TAF15: variants seen among roughly 807,000 people sequenced by gnomAD.
TAF15 encodes the protein TATA-box binding protein associated factor 15, also known as TATA-binding protein-associated factor 2N.
Under a neutral mutation model 102.5 loss-of-function variants are expected in TAF15, and 37 were observed. The observed-to-expected ratio is 0.36, with a 90% CI of 0.28 to 0.47. The LOEUF is 0.47. Among genes scored for constraint, TAF15 ranks in the 20% least tolerant of loss-of-function variants. The pLI is 0.99. For missense variants in TAF15, 652 were observed against 760.7 expected (o/e 0.86, Z 1.68); for synonymous variants, 273 against 259.2 (o/e 1.05, Z -0.51).
In TAF15 at chr17:35,844,348, A is replaced by G. The variant is rs1159683668; in HGVS notation, c.1157A>G (p.Asp386Gly). 1 of 1,614,034 alleles carries G rather than the reference A, an allele frequency of 6.2e-7. No individual in the cohort carries two copies. The highest frequency in any genetic ancestry group is 8.5e-7 in the Non-Finnish European group (1 of 1,179,992). ...CAGTGCAATGAGCCTAGACCAGAGG[A>G]CTCTCGTCCCTCAGGAGGAGGTGGG... Reference protein sequence around the residue: ...CNQCNEPRPEDSRPSGGDFRG... With the variant: ...CNQCNEPRPEGSRPSGGDFRG... Residue 386 changes from aspartate to glycine, a missense_variant, in exon 14 of 16, where the codon GAC becomes GGC. Asp to Gly is a moderately conservative substitution (Grantham distance 94). This residue lies in a region of TAF15 where 368 missense variants were observed against 367.5 expected (regional missense o/e 1.00). Coordinates refer to ENST00000605844, the MANE Select transcript of TAF15 (RefSeq NM_139215.3).
chr17:35,819,981 A>T, intron 2 of TAF15, 43 bp from the exon 3 acceptor site: 1 of 1,586,078 alleles, frequency 6.3e-7, no homozygotes, highest in Non-Finnish European at 8.6e-7. Flanking sequence ...AAACTTTAAA[A>T]TTTCTACACA....
chr17:35,846,162 G>A (rs2087621174), intron 15 of TAF15, among the ~76,000 whole-genome samples: 1 of 152,236 alleles, frequency 6.6e-6, no homozygotes, highest in Non-Finnish European at 1.5e-5. Flanking sequence ...ATATGGTTAA[G>A]AGCATAAAGT....
At chr17:35,821,941 G>A (rs189022576) in intron 5 of TAF15, among the ~76,000 whole-genome samples, 272 of 152,154 alleles carry the variant, frequency 1.8e-3, no homozygotes, top group African/African-American at 6.0e-3. Flanking sequence ...CAGTGATATA[G>A]AGCCTTTCAT....
chr17:35,835,442 A>C (rs888753684), intron 9 of TAF15, among the ~76,000 whole-genome samples: 1 of 152,230 alleles, frequency 6.6e-6, no homozygotes, highest in African/African-American at 2.4e-5. Context: ...GCCTGTTGAA[A>C]GTTATAATTT....
chr17:35,834,594 T>C lies in TAF15; in HGVS notation c.669T>C (p.Asp223=). 3 of 1,613,822 alleles carry C rather than the reference T, an allele frequency of 1.9e-6. No homozygotes were observed. The highest frequency in any genetic ancestry group is 4.5e-5 in the East Asian group (2 of 44,870). Reference sequence around the variant, plus strand: ...ACAGGGATTATGGACCCAGAACAGATGCTGGTAAGGTTTATGGTGGTTTGT... The same window carrying C: ...ACAGGGATTATGGACCCAGAACAGACGCTGGTAAGGTTTATGGTGGTTTGT... ...GGHRDYGPRT[D]ADSESDNSDN... Residue 223 remains aspartate (D), a synonymous_variant, in exon 9 of 16, where the codon GAT becomes GAC. Coordinates refer to ENST00000605844, the MANE Select transcript of TAF15 (RefSeq NM_139215.3).
At chr17:35,845,669 C>T (rs1210182966) in intron 15 of TAF15, among the ~76,000 whole-genome samples, 1 of 152,096 alleles carries the variant, frequency 6.6e-6, no homozygotes, top group Non-Finnish European at 1.5e-5. Context: ...GCCACCACGC[C>T]CGGCTAATTT....
At chr17:35,825,958 A>G (rs1006215566) in intron 7 of TAF15, among the ~76,000 whole-genome samples, 2 of 152,094 alleles carry the variant, frequency 1.3e-5, no homozygotes, top group South Asian at 4.1e-4. Context: ...CGTCTCAAAA[A>G]AAAAAACATT....
chr17:35,810,955 A>G (rs2087117821), intron 1 of TAF15: 1 of 152,208 alleles, frequency 6.6e-6, no homozygotes, highest in South Asian at 2.1e-4. Flanking sequence ...AACAAGAAAT[A>G]ATTTCTTATT....
intron 7 of TAF15, among the ~76,000 whole-genome samples, chr17:35,827,352 A>T (rs996620119): frequency 5.9e-5 from 9 of 151,340 alleles, no homozygotes; most frequent in Non-Finnish European, 8.8e-5. Context: ...AAAAAAAAAA[A>T]TAGTTCTTTT....
chr17:35,822,665 G>C lies in TAF15; in HGVS notation c.316G>C (p.Asp106His). ...GSQGGRAPSYDQPDYGQQDSY... is the reference protein window; with the variant it reads ...GSQGGRAPSYHQPDYGQQDSY... ...CCAAGGTGGAAGAGCACCTTCCTAT[G>C]ACCAGCCAGACTATGGTCAACAAGA... Residue 106 changes from aspartate to histidine, a missense_variant, in exon 6 of 16, where the codon GAC becomes CAC. Asp to His is a moderately conservative substitution (Grantham distance 81). Around this residue, in one of 3 missense-constraint regions of TAF15, gnomAD observed 243 missense variants for 284.1 expected, o/e 0.86. Coordinates refer to ENST00000605844, the MANE Select transcript of TAF15 (RefSeq NM_139215.3). The C allele has an allele frequency of 3.1e-6, 5 of 1,613,958 alleles. No homozygotes were observed. Among genetic ancestry groups the C allele is most frequent in the Non-Finnish European group, 4.2e-6 (5 of 1,179,944 alleles).
rs546279877 is a variant in TAF15, at chr17:35,819,912, C to T, written c.48-112C>T. 2.8e-5 allele frequency: 26 copies of T among 930,104 alleles called. No individual in the cohort carries two copies. The African/African-American group carries it at 4.0e-4, about 14-fold the overall frequency. 57.6% of individuals were successfully genotyped at this position (930,104 alleles called of 1,614,324 possible). A position where few individuals can be genotyped will look rare whatever the true frequency, so the allele number is the denominator to read the frequency against. On this transcript the variant is annotated intron_variant, in intron 2 of 15. Coordinates refer to ENST00000605844, the MANE Select transcript of TAF15 (RefSeq NM_139215.3). ...CTAGAGACAGGGAGATTGATGATTT[C>T]TCAGCAAAGAAGCTTGTATTTGAGT...
chr17:35,819,925 C>T, intron 2 of TAF15, 99 bp from the exon 3 acceptor site: 1 of 1,017,696 alleles, frequency 9.8e-7, no homozygotes, highest in Non-Finnish European at 1.5e-6. Flanking sequence ...AGCAAAGAAG[C>T]TTGTATTTGA....
rs779992517 is a variant in TAF15 at position 35,822,804 on chromosome 17, A to T, written c.455A>T (p.Gln152Leu). ...YSQNQQSYHS[Q>L]RENYSHHTQD... ...CAAAACCAGCAGTCCTATCATTCAC[A>T]AAGGGAAAACTACAGCCACCACACA... Residue 152 changes from glutamine to leucine, a missense_variant, in exon 6 of 16, where the codon CAA becomes CTA. Transcript: ENST00000605844. The T allele has an allele frequency of 6.2e-7, 1 of 1,614,180 alleles. No homozygotes were observed. Among genetic ancestry groups the T allele is most frequent in the South Asian group, 1.1e-5 (1 of 91,080 alleles).
At chr17:35,830,245 TTCG>T (rs1429854635) in intron 7 of TAF15, 2 of 151,672 alleles carry the variant, frequency 1.3e-5, no homozygotes, top group Non-Finnish European at 2.9e-5. Flanking sequence ...TGCTCAGGAG[TTCG>T]TGACCAGACT....
intron 8 of TAF15, chr17:35,834,215 CA>C (rs2087442232): frequency 2.6e-6 from 1 of 380,366 alleles, no homozygotes; most frequent in Non-Finnish European, 4.6e-6. Flanking sequence ...ATGACACCTT[CA>C]CTGGATTTTG....
intron 15 of TAF15, 130 bp downstream of exon 15, chr17:35,845,168 A>T: frequency 8.4e-7 from 1 of 1,188,320 alleles, no homozygotes; most frequent in Admixed American, 2.2e-5. Flanking sequence ...GGAGAAGATG[A>T]TTTAGTTTCC....
intron 10 of TAF15, 78 bp from the exon 11 acceptor site, chr17:35,838,346 T>C: frequency 6.3e-7 from 1 of 1,584,088 alleles, no homozygotes; most frequent in Non-Finnish European, 8.6e-7. Context: ...GTAAAAAAAA[T>C]AAATCTTTGA....
chr17:35,834,420 A>G (rs1010305998), intron 8 of TAF15, 146 bp from the exon 9 acceptor site: 8 of 702,536 alleles, frequency 1.1e-5, no homozygotes, highest in African/African-American at 1.8e-5. Flanking sequence ...CATAATTTAT[A>G]TATTTACTTT....
chr17:35,826,746 T>TTTA (rs2087334748), intron 7 of TAF15, among the ~76,000 whole-genome samples: 1 of 143,564 alleles, frequency 7.0e-6, no homozygotes, highest in Non-Finnish European at 1.5e-5. Flanking sequence ...TTTTTTTTTT[T>TTTA]AAGTAGTGAT....
Sources: allele counts gnomAD v4.1 joint callset (sites outside exome capture counted in the v4.1 genomes callset), GRCh38; gene constraint gnomAD v4.1.1; regional missense constraint gnomAD v4.1.1; transcripts MANE v1.5; gene names NCBI Gene and HGNC (gene_info 2026-07-23, HGNC 2026-07-21).